NPC1: variants seen among roughly 807,000 people sequenced by gnomAD.
NPC1 encodes Niemann-Pick C1 protein.
NPC1 carries 85 observed loss-of-function variants against 140.4 expected under a neutral mutation model. The observed-to-expected ratio is 0.61, with a 90% CI of 0.51 to 0.72. The LOEUF (loss-of-function observed/expected upper bound fraction) is 0.72. Among genes scored for constraint, NPC1 ranks in the 30% least tolerant of loss-of-function variants. NPC1 has a pLI of 0.00. For missense variants in NPC1, 1,504 were observed against 1,623.8 expected (o/e 0.93, Z 1.27); for synonymous variants, 656 against 624.8 (o/e 1.05, Z -0.74).
At chr18:23,521,350 C>T (rs368600716), downstream of NPC1, among the ~76,000 whole-genome samples, 28 of 152,306 alleles carry the variant, frequency 1.8e-4, no homozygotes, top group East Asian at 3.9e-4. Context: ...ACACCCGTAA[C>T]GTTTTCTGTT....
At position 23,568,951 on chromosome 18, in the gene NPC1, G is replaced by A; in HGVS notation, c.335C>T (p.Thr112Ile). The change falls in exon 4 of 25, where the codon ACA becomes ATA. Residue 112 changes from threonine (T) to isoleucine (I), a missense_variant. Physicochemically the swap from Thr to Ile is moderately conservative, Grantham distance 89. Coordinates refer to ENST00000269228, the MANE Select transcript of NPC1 (RefSeq NM_000271.5). Reference sequence around the variant, plus strand: ...AAACTGACTCTGTCGAGGGCTACATGTCAGCTCACAAAACAGGTTCAGTAG... The same window carrying A: ...AAACTGACTCTGTCGAGGGCTACATATCAGCTCACAAAACAGGTTCAGTAG... ...YNLLNLFCEL[T>I]CSPRQSQFLN... The A allele has an allele frequency of 6.2e-7, 1 of 1,613,932 alleles. No individual in the cohort carries two copies. The highest frequency in any genetic ancestry group is 8.5e-7 in the Non-Finnish European group (1 of 1,179,890).
rs1555636712 is a variant in NPC1 at position 23,554,985 on chromosome 18, C to CT, written c.1327-2dup. ...CGATGGCTATTTGTAAGTCAAGAAC[C>CT]TGAAAGAAGATTTTAAAAATAAGCA... On this transcript the variant is annotated splice_acceptor_variant, in intron 8 of 24. Transcript: ENST00000269228. LOFTEE classifies it high-confidence loss of function. 4.4e-6 allele frequency: 7 copies of CT among 1,600,570 alleles called. No individual in the cohort carries two copies. Among genetic ancestry groups the CT allele is most frequent in the Non-Finnish European group, 6.0e-6 (7 of 1,167,698 alleles).
intron 22 of NPC1, 82 bp downstream of exon 22, chr18:23,535,387 G>C: frequency 1.0e-6 from 1 of 986,086 alleles, no homozygotes; most frequent in Non-Finnish European, 1.6e-6. Flanking sequence ...TCCATCTTTA[G>C]GGTTTACATG....
chr18:23,540,563 C>CA, intron 16 of NPC1, 26 bp from the exon 17 acceptor site: 1 of 1,458,146 alleles, frequency 6.9e-7, no homozygotes, highest in Non-Finnish European at 9.6e-7. Flanking sequence ...AATCATAAGA[C>CA]AGAGACTGCT....
downstream of NPC1, chr18:23,519,179 A>T: frequency 6.2e-7 from 1 of 1,611,322 alleles, no homozygotes; most frequent in Admixed American, 1.7e-5. Flanking sequence ...ACAGAGGTAC[A>T]AGCTGTCTGC....
downstream of NPC1, chr18:23,526,637 G>C (rs1348519777): frequency 6.2e-7 from 1 of 1,613,588 alleles, no homozygotes; most frequent in East Asian, 2.2e-5. Context: ...TAAAATCCAG[G>C]TTACCTCTGG....
chr18:23,580,673 T>C (rs1436551046), intron 1 of NPC1, among the ~76,000 whole-genome samples: 2 of 152,218 alleles, frequency 1.3e-5, no homozygotes, highest in African/African-American at 2.4e-5. Flanking sequence ...AGTGAGGCGA[T>C]GGAGGAGAGG....
In NPC1 at chr18:23,539,945, C is replaced by T. The variant is rs9949660; in HGVS notation, c.2661G>A (p.Pro887=). Residue 887 remains proline (P), a synonymous_variant, in exon 18 of 25, where the codon CCG becomes CCA. Coordinates refer to ENST00000269228, the MANE Select transcript of NPC1 (RefSeq NM_000271.5). ...KSISQYLHAG[P]PVYFVLEEGH... ...CTTCCTCCAGGACAAAGTACACAGG[C>T]GGACCCGCATGCAGGTACTGACTGA... 1,896 of 1,614,116 alleles carry T rather than the reference C, an allele frequency of 1.2e-3. 19 individuals carry two copies. The African/African-American group carries it at 0.023, about 19-fold the overall frequency.
chr18:23,583,161 G>C (rs2059377340), intron 1 of NPC1, among the ~76,000 whole-genome samples: 1 of 149,158 alleles, frequency 6.7e-6, no homozygotes, highest in African/African-American at 2.5e-5. Context: ...CACATTTGTA[G>C]ATGATATTGG....
intron 1 of NPC1, among the ~76,000 whole-genome samples, chr18:23,584,285 C>T (rs1567990083): frequency 6.6e-6 from 1 of 152,194 alleles, no homozygotes; most frequent in Admixed American, 6.5e-5. Context: ...CTGCTATCAT[C>T]GGTACGAATT....
At chr18:23,574,232 C>T (rs778039602) in intron 1 of NPC1, among the ~76,000 whole-genome samples, 9 of 152,222 alleles carry the variant, frequency 5.9e-5, no homozygotes, top group African/African-American at 1.9e-4. Context: ...GAAAATTCAG[C>T]GGAGGGGAGG....
At chr18:23,526,514 A>G (rs2058301816), downstream of NPC1, 2 of 1,153,982 alleles carry the variant, frequency 1.7e-6, no homozygotes, top group African/African-American at 1.6e-5. Context: ...AGCTACACTG[A>G]CTGTACTTTG....
intron 20 of NPC1, 23 bp from the exon 21 acceptor site, chr18:23,536,899 CAAGAGAG>C: frequency 1.9e-6 from 3 of 1,593,428 alleles, no homozygotes; most frequent in Non-Finnish European, 2.6e-6. Flanking sequence ...TCCTGGGTGT[CAAGAGAG>C]TCCAGGTCTT....
At chr18:23,560,501 GA>G (rs1192076780) in intron 5 of NPC1, 21 bp from the exon 6 acceptor site, 1 of 1,613,384 alleles carries the variant, frequency 6.2e-7, no homozygotes, top group African/African-American at 1.3e-5. Context: ...GAATTGTGTT[GA>G]GTACAAATCT....
intron 16 of NPC1, among the ~76,000 whole-genome samples, chr18:23,540,842 TCTGAAA>T (rs779840133): frequency 1.8e-4 from 28 of 152,352 alleles, no homozygotes; most frequent in Non-Finnish European, 4.1e-4. Flanking sequence ...TTTCTGTGAA[TCTGAAA>T]CTATTTCAAA....
At chr18:23,507,923 C>CTTGTAGTATGTCTTGTA (rs2145134657) in intron 3 of NPC1, 6 of 1,488,462 alleles carry the variant, frequency 4.0e-6, no homozygotes, top group Non-Finnish European at 2.8e-6. Context: ...AGTATGCCAA[C>CTTGTAGTATGTCTTGTA]GTAGGTTGGC....
At chr18:23,562,210 A>C (rs1016610867) in intron 4 of NPC1, among the ~76,000 whole-genome samples, 3 of 150,936 alleles carry the variant, frequency 2.0e-5, no homozygotes, top group African/African-American at 7.3e-5. Context: ...AATGGCATGA[A>C]CCCGGGAGGC....
Position 23,544,518 on chromosome 18 carries a change from C to G in NPC1, c.1956G>C (p.Ser652=), listed in dbSNP as rs759777593. ...TGCCCGCGATGCCTAGTGAGACCTTCGAATCCACCTGAGAGAGGCGACAGA... is the reference window on the plus strand; with the variant it reads ...TGCCCGCGATGCCTAGTGAGACCTTGGAATCCACCTGAGAGAGGCGACAGA... ...MKSCRRLLVD[S]KVSLGIAGIL... is the part of the protein sequence containing the mutation. Residue 652 remains serine, a synonymous_variant, in exon 13 of 25, where the codon TCG becomes TCC. Transcript: ENST00000269228. 6.2e-7 allele frequency: 1 copy of G among 1,614,020 alleles called. No homozygotes were observed. Among genetic ancestry groups the G allele is most frequent in the African/African-American group, 1.3e-5 (1 of 74,914 alleles).
downstream of NPC1, among the ~76,000 whole-genome samples, chr18:23,521,766 G>A (rs913084747): frequency 2.0e-5 from 3 of 150,436 alleles, no homozygotes; most frequent in Admixed American, 6.6e-5. Context: ...AGATCAAGAT[G>A]TCTGCAGGTT....
Sources: allele counts gnomAD v4.1 joint callset (sites outside exome capture counted in the v4.1 genomes callset), GRCh38; gene constraint gnomAD v4.1.1; transcripts MANE v1.5; gene names NCBI Gene and HGNC (gene_info 2026-07-23, HGNC 2026-07-21).